The following ATP6V0A4 variants were observed in gnomAD, a reference collection of about 807,000 sequenced individuals.
ATP6V0A4 encodes ATPase H+ transporting V0 subunit a4, also known as V-type proton ATPase 116 kDa subunit a 4.
ATP6V0A4 carries 86 observed loss-of-function variants against 107.3 expected under a neutral mutation model. That is an observed-to-expected ratio of 0.80 (90% CI 0.67 to 0.96). The LOEUF (loss-of-function observed/expected upper bound fraction) is 0.96. Ranked by LOEUF, ATP6V0A4 falls within the 40% of genes least tolerant of loss-of-function variation. The pLI is 0.00. For synonymous variants in ATP6V0A4, 353 were observed against 381.4 expected, an observed-to-expected ratio of 0.93 and a Z score of 0.87; for missense variants, 908 against 1,045.6, an observed-to-expected ratio of 0.87 and a Z score of 1.81.
At chr7:138,766,338 G>A (rs1431428913) in intron 5 of ATP6V0A4, among the ~76,000 whole-genome samples, 1 of 151,902 alleles carries the variant, frequency 6.6e-6, no homozygotes. Context: ...GAGTAGCTGG[G>A]ATTACAGGCA....
At chr7:138,717,214 G>C (rs1201559898) in intron 19 of ATP6V0A4, among the ~76,000 whole-genome samples, 2 of 152,194 alleles carry the variant, frequency 1.3e-5, no homozygotes, top group African/African-American at 4.8e-5. Context: ...GCTGGAAACG[G>C]ACTCCTGAGA....
rs534744966 is a variant in ATP6V0A4 at position 138,781,294 on chromosome 7, C to CT, written c.-18+4863dup. ...ATACAAAAACTTAATTCCAGGAAAG[C>CT]TTTTTTTGGTTGATTCTTTCAGATT... On this transcript the variant is annotated intron_variant, in intron 2 of 21. Transcript: ENST00000310018. Among the ~76,000 whole-genome samples, 483 of 151,806 alleles carry CT rather than the reference C, an allele frequency of 3.2e-3. 3 individuals carry two copies. The highest frequency in any genetic ancestry group is 0.011 in the African/African-American group (443 of 41,376).
At chr7:138,745,594 T>G (rs1283186627) in intron 13 of ATP6V0A4, among the ~76,000 whole-genome samples, 2 of 146,870 alleles carry the variant, frequency 1.4e-5, no homozygotes, top group Admixed American at 1.4e-4. Flanking sequence ...GGAGAATCAC[T>G]TGAACCTGGG....
At chr7:138,771,400 CTTTTTT>C in intron 2 of ATP6V0A4, 136 bp from the exon 3 acceptor site, 1 of 660,978 alleles carries the variant, frequency 1.5e-6, no homozygotes, top group African/African-American at 2.0e-5. Flanking sequence ...TTTTAGGAGA[CTTTTTT>C]TTTTTTTTTT....
chr7:138,724,910 T>A (rs1804631945), intron 18 of ATP6V0A4, among the ~76,000 whole-genome samples: 1 of 152,210 alleles, frequency 6.6e-6, no homozygotes, highest in Non-Finnish European at 1.5e-5. Flanking sequence ...CGCACAATGC[T>A]TAAGCTGGGT....
Position 138,773,037 on chromosome 7 carries a change from T to C in ATP6V0A4, c.-17-1773A>G, listed in dbSNP as rs1341963024. Reference sequence around the variant, plus strand: ...CCCTACTGCTGCCAAATCACACTTTTTCCCCCCAGGTCAACCTTCTGGAAG... The same window carrying C: ...CCCTACTGCTGCCAAATCACACTTTCTCCCCCCAGGTCAACCTTCTGGAAG... On this transcript the variant is annotated intron_variant, in intron 2 of 21. Transcript: ENST00000310018. The surrounding 1 kb of genome is among the most constrained non-coding windows in gnomAD (Gnocchi z 5.4). Among the ~76,000 whole-genome samples the C allele has an allele frequency of 6.6e-6, 1 of 152,150 alleles. No homozygotes were observed. The highest frequency in any genetic ancestry group is 1.9e-4 in the East Asian group (1 of 5,190).
At chr7:138,776,284 G>A (rs1010455886) in intron 2 of ATP6V0A4, among the ~76,000 whole-genome samples, 3 of 152,292 alleles carry the variant, frequency 2.0e-5, no homozygotes, top group Admixed American at 1.3e-4. Flanking sequence ...TGTGAACCTG[G>A]GGCAGTGGAG....
chr7:138,768,988 T>A, intron 4 of ATP6V0A4, 114 bp from the exon 5 acceptor site: 1 of 1,574,356 alleles, frequency 6.4e-7, no homozygotes, highest in Non-Finnish European at 8.6e-7. Context: ...TGAATTGTCC[T>A]AGGAGCTGCC....
chr7:138,717,770 T>C (rs1296205743), intron 19 of ATP6V0A4, among the ~76,000 whole-genome samples: 2 of 147,888 alleles, frequency 1.4e-5, no homozygotes, highest in Non-Finnish European at 3.0e-5. Flanking sequence ...TAGACAGGGG[T>C]GGTGGCGCAT....
At chr7:138,789,265 T>C (rs1164983225) in intron 1 of ATP6V0A4, among the ~76,000 whole-genome samples, 1 of 152,112 alleles carries the variant, frequency 6.6e-6, no homozygotes, top group African/African-American at 2.4e-5. Flanking sequence ...TTTTTCTTTT[T>C]GAGACAGAGT....
chr7:138,707,575 T>C (rs1480030614), intron 21 of ATP6V0A4, among the ~76,000 whole-genome samples: 1 of 149,718 alleles, frequency 6.7e-6, no homozygotes, highest in African/African-American at 2.5e-5. Context: ...CTAATTTTTG[T>C]ATTTTTAGTA....
chr7:138,718,201 G>GGGGTGT (rs1554389498), intron 19 of ATP6V0A4, among the ~76,000 whole-genome samples: 1 of 45,540 alleles, frequency 2.2e-5, no homozygotes, highest in African/African-American at 1.4e-4. Context: ...GGAAGGAATG[G>GGGGTGT]GTGTGTGTGT....
intron 20 of ATP6V0A4, among the ~76,000 whole-genome samples, chr7:138,710,272 ACCT>A (rs776328427): frequency 6.8e-6 from 1 of 148,096 alleles, no homozygotes; most frequent in Non-Finnish European, 1.5e-5. Flanking sequence ...GCTCACTGCA[ACCT>A]CTACCTCCCG....
chr7:138,752,092 G>A (rs577221284), intron 11 of ATP6V0A4, among the ~76,000 whole-genome samples: 47 of 152,278 alleles, frequency 3.1e-4, no homozygotes, highest in East Asian at 7.7e-4. Flanking sequence ...CAGTATGGCC[G>A]GGTGTGATGT....
At chr7:138,730,950 T>TTTGG (rs1804979753) in intron 17 of ATP6V0A4, among the ~76,000 whole-genome samples, 1 of 150,006 alleles carries the variant, frequency 6.7e-6, no homozygotes, top group African/African-American at 2.5e-5. Context: ...TTTTTTTTTT[T>TTTGG]GAGACAGAGT....
intron 10 of ATP6V0A4, 81 bp from the exon 11 acceptor site, chr7:138,752,918 G>A (rs1806308114): frequency 1.3e-6 from 2 of 1,571,116 alleles, no homozygotes; most frequent in Non-Finnish European, 1.7e-6. Flanking sequence ...AGTGTCACAG[G>A]CCACAGCAGC....
At chr7:138,746,292 G>T (rs1369072585) in intron 13 of ATP6V0A4, among the ~76,000 whole-genome samples, 1 of 151,694 alleles carries the variant, frequency 6.6e-6, no homozygotes, top group African/African-American at 2.4e-5. Context: ...CTGCTGAGAA[G>T]AATAAAGTGC....
In ATP6V0A4 at chr7:138,706,414, T is replaced by G. The variant is rs897446123; in HGVS notation, c.*210A>C. 1 of 591,674 alleles carries G rather than the reference T, an allele frequency of 1.7e-6. No individual in the cohort carries two copies. The highest frequency in any genetic ancestry group is 1.9e-5 in the African/African-American group (1 of 53,946). The allele number at this position is 591,674 out of a possible 1,614,324, so 36.7% of individuals were successfully genotyped here. A position where few individuals can be genotyped will look rare whatever the true frequency, so the allele number is the denominator to read the frequency against. On this transcript the variant is annotated 3_prime_UTR_variant, in exon 22 of 22. Coordinates refer to ENST00000310018, the MANE Select transcript of ATP6V0A4 (RefSeq NM_020632.3). ...ATTATTTGAGAATTAATACCCCACA[T>G]GAAGACAATATCACTTGCCAAAGTC...
At chr7:138,761,562 C>T (rs1806818681) in intron 7 of ATP6V0A4, among the ~76,000 whole-genome samples, 1 of 150,036 alleles carries the variant, frequency 6.7e-6, no homozygotes, top group African/African-American at 2.5e-5. Flanking sequence ...ACCTGGGAGG[C>T]GGAGTTTGCA....
Sources: allele counts gnomAD v4.1 joint callset (sites outside exome capture counted in the v4.1 genomes callset), GRCh38; gene constraint gnomAD v4.1.1; non-coding constraint Gnocchi (gnomAD v3.1); transcripts MANE v1.5; gene names NCBI Gene and HGNC (gene_info 2026-07-23, HGNC 2026-07-21).